TTC3: variants seen among roughly 807,000 people sequenced by gnomAD.
TTC3 encodes E3 ubiquitin-protein ligase TTC3.
A neutral mutation model predicts 249.6 loss-of-function variants in TTC3; 180 were observed. That is an observed-to-expected ratio of 0.72 (90% CI 0.64 to 0.82). TTC3 has a LOEUF of 0.82. Among genes scored for constraint, TTC3 ranks in the 40% least tolerant of loss-of-function variants. The pLI is 0.00. For synonymous variants in TTC3, 717 were observed against 805.0 expected, an observed-to-expected ratio of 0.89 and a Z score of 1.85; for missense variants, 2,061 against 2,398.4, an observed-to-expected ratio of 0.86 and a Z score of 2.94.
At position 37,198,476 on chromosome 21, in the gene TTC3, C is replaced by G. The variant is rs565315343; in HGVS notation, c.5850+451C>G. On this transcript the variant is annotated intron_variant, in intron 44 of 45. Transcript: ENST00000355666. ...TGGCCACACCCACCCCAAGATAGACCGTGATTGCCTGGAGAAGAGGGTTCT... is the reference window on the plus strand; with the variant it reads ...TGGCCACACCCACCCCAAGATAGACGGTGATTGCCTGGAGAAGAGGGTTCT... 1.5e-4 allele frequency among the ~76,000 whole-genome samples: 23 copies of G among 152,198 alleles called. No individual in the cohort carries two copies. The East Asian group carries it at 1.9e-3, about 13-fold the overall frequency.
At chr21:37,117,352 C>G (rs1451600911) in intron 11 of TTC3, among the ~76,000 whole-genome samples, 1 of 152,084 alleles carries the variant, frequency 6.6e-6, no homozygotes, top group Non-Finnish European at 1.5e-5. Context: ...AAATAAAAGA[C>G]AAAACTGGTG....
intron 11 of TTC3, among the ~76,000 whole-genome samples, chr21:37,113,887 A>G (rs1180403973): frequency 1.3e-5 from 2 of 152,186 alleles, no homozygotes; most frequent in Non-Finnish European, 2.9e-5. Flanking sequence ...AGTGCCACAT[A>G]TCTACAACTA....
At chr21:37,138,155 C>G (rs1197690509) in intron 18 of TTC3, among the ~76,000 whole-genome samples, 1 of 152,154 alleles carries the variant, frequency 6.6e-6, no homozygotes, top group Non-Finnish European at 1.5e-5. Context: ...AATGCTACTA[C>G]ACACTTAATA....
At chr21:37,201,644 TAAAAAACA>T in exon 46 of TTC3, 1 of 1,561,394 alleles carries the variant, frequency 6.4e-7, no homozygotes, top group African/African-American at 1.4e-5. Flanking sequence ...ACCACTGGTG[TAAAAAACA>T]AACATTTGAA....
chr21:37,080,096 CTTAATA>C (rs1445871517), intron 1 of TTC3, among the ~76,000 whole-genome samples: 5 of 151,972 alleles, frequency 3.3e-5, no homozygotes, highest in Non-Finnish European at 7.4e-5. Context: ...AAATTACACA[CTTAATA>C]TTAATTTTCA....
intron 10 of TTC3, chr21:37,097,797 A>C (rs541686585): frequency 3.7e-6 from 2 of 546,450 alleles, no homozygotes; most frequent in East Asian, 3.1e-5. Context: ...AGAGTCTGCT[A>C]TCAGTTGTTT....
chr21:37,103,832 T>A (rs192578258), intron 10 of TTC3, among the ~76,000 whole-genome samples: 1 of 151,908 alleles, frequency 6.6e-6, no homozygotes. Flanking sequence ...GAGGAGAGGG[T>A]AGTATGTTCA....
chr21:37,075,133 G>A (rs1213797931), intron 1 of TTC3, among the ~76,000 whole-genome samples: 2 of 147,998 alleles, frequency 1.4e-5, no homozygotes, highest in East Asian at 3.9e-4. Flanking sequence ...AAACTTTAAT[G>A]GCATTAAAAT....
At chr21:37,169,204 CA>C (rs879569095) in intron 34 of TTC3, among the ~76,000 whole-genome samples, 34 of 152,186 alleles carry the variant, frequency 2.2e-4, no homozygotes, top group Non-Finnish European at 4.7e-4. Context: ...TGAAACTAGA[CA>C]AATTGATTTT....
chr21:37,153,063 C>T, exon 27 of TTC3: 1 of 1,613,878 alleles, frequency 6.2e-7, no homozygotes, highest in Non-Finnish European at 8.5e-7. Context: ...CCATGCTTCT[C>T]AAAGAATTGC....
At chr21:37,091,645 A>C (rs1392431438) in intron 7 of TTC3, 1 of 166,748 alleles carries the variant, frequency 6.0e-6, no homozygotes, top group African/African-American at 2.4e-5. Flanking sequence ...GCAGTGGTGC[A>C]GTCTCTGCTC....
chr21:37,100,243 A>G (rs534298429), intron 10 of TTC3, among the ~76,000 whole-genome samples: 2 of 152,308 alleles, frequency 1.3e-5, no homozygotes, highest in East Asian at 3.9e-4. Context: ...GTGGTATGCC[A>G]TTGGTACATG....
intron 11 of TTC3, among the ~76,000 whole-genome samples, chr21:37,120,642 A>T (rs955804231): frequency 1.3e-5 from 2 of 152,188 alleles, no homozygotes; most frequent in African/African-American, 4.8e-5. Flanking sequence ...GTTTAATGAA[A>T]TGCCATATGA....
chr21:37,129,106 C>G (rs2077268643), intron 16 of TTC3, 43 bp downstream of exon 16: 1 of 1,428,090 alleles, frequency 7.0e-7, no homozygotes, highest in Non-Finnish European at 9.5e-7. Context: ...CCTTAATATA[C>G]TCTTCCCAAG....
intron 10 of TTC3, among the ~76,000 whole-genome samples, chr21:37,097,500 A>G (rs917163993): frequency 1.3e-5 from 2 of 152,202 alleles, no homozygotes; most frequent in African/African-American, 4.8e-5. Context: ...CTGCATAGGT[A>G]TTAGTTATAA....
intron 15 of TTC3, among the ~76,000 whole-genome samples, chr21:37,128,506 C>T (rs1310572692): frequency 2.0e-5 from 3 of 152,342 alleles, no homozygotes; most frequent in East Asian, 3.9e-4. Flanking sequence ...CTATCCAAAT[C>T]GTACTTCTTC....
chr21:37,192,226 C>T lies in TTC3; in HGVS notation c.5217+13C>T. 1 of 1,474,130 alleles carries T rather than the reference C, an allele frequency of 6.8e-7. No individual in the cohort carries two copies. The highest frequency in any genetic ancestry group is 9.2e-7 in the Non-Finnish European group (1 of 1,083,060). 91.3% of individuals were successfully genotyped at this position (1,474,130 alleles called of 1,614,324 possible). ...TGCCTGTAACACGGTAAGTCTAGCA[C>T]ATCTTTTTTTTTTTTTTAAACCATA... is the stretch of plus-strand genomic sequence containing the variant. On this transcript the variant is annotated intron_variant, in intron 41 of 45. Coordinates refer to ENST00000355666, the Ensembl canonical transcript of TTC3.
At chr21:37,170,909 A>G (rs1331859269) in intron 34 of TTC3, among the ~76,000 whole-genome samples, 1 of 152,232 alleles carries the variant, frequency 6.6e-6, no homozygotes, top group East Asian at 1.9e-4. Flanking sequence ...TAATTAAACA[A>G]TAGTTTTTAA....
chr21:37,120,545 G>C (rs950842191), intron 11 of TTC3, among the ~76,000 whole-genome samples: 1 of 152,160 alleles, frequency 6.6e-6, no homozygotes, highest in Non-Finnish European at 1.5e-5. Context: ...GATAGGATTT[G>C]ACCTTGTAGC....
Sources: gnomAD v4.1 joint callset for allele counts (sites outside exome capture counted in the v4.1 genomes callset) on GRCh38, gnomAD v4.1.1 for gene constraint, MANE v1.5 for transcripts, NCBI Gene and HGNC (gene_info 2026-07-23, HGNC 2026-07-21) for gene names.